Variants in RAD51B observed in about 807,000 individuals in gnomAD.
The protein encoded by RAD51B is DNA repair protein RAD51 homolog 2.
A neutral mutation model predicts 42.2 loss-of-function variants in RAD51B; 38 were observed. The observed-to-expected ratio is 0.90, with a 90% CI of 0.70 to 1.18. RAD51B has a LOEUF of 1.18. Ranked by LOEUF, RAD51B falls within the 50% of genes most tolerant of loss-of-function variation. The pLI is 0.00. For synonymous variants in RAD51B, 154 were observed against 145.2 expected, an observed-to-expected ratio of 1.06 and a Z score of -0.43; for missense variants, 373 against 400.7, an observed-to-expected ratio of 0.93 and a Z score of 0.59.
chr14:68,432,515 T>C (rs1182461260), intron 9 of RAD51B, among the ~76,000 whole-genome samples: 1 of 152,268 alleles, frequency 6.6e-6, no homozygotes, highest in East Asian at 1.9e-4. Flanking sequence ...ATGACCTTCT[T>C]TGTCTCTTTT....
intron 7 of RAD51B, among the ~76,000 whole-genome samples, chr14:68,014,639 G>T (rs2075744215): frequency 6.6e-6 from 1 of 151,508 alleles, no homozygotes; most frequent in African/African-American, 2.4e-5. Context: ...AAATTTGTAT[G>T]GTCAAAACTT....
intron 7 of RAD51B, among the ~76,000 whole-genome samples, chr14:68,036,512 G>T (rs142084383): frequency 6.6e-6 from 1 of 152,162 alleles, no homozygotes; most frequent in Admixed American, 6.5e-5. Flanking sequence ...CAGCCTCTGC[G>T]TTTAGTACAT....
chr14:68,326,471 T>G (rs1878919129), intron 8 of RAD51B, among the ~76,000 whole-genome samples: 1 of 152,220 alleles, frequency 6.6e-6, no homozygotes, highest in Non-Finnish European at 1.5e-5. Context: ...GGTGACAGGT[T>G]GTAAGGACAT....
At chr14:68,046,877 T>A (rs994690624) in intron 7 of RAD51B, among the ~76,000 whole-genome samples, 1 of 152,136 alleles carries the variant, frequency 6.6e-6, no homozygotes, top group South Asian at 2.1e-4. Flanking sequence ...TTCAGTGTAG[T>A]GTTTATAAGA....
rs1337664880 is a variant in RAD51B at position 68,562,848 on chromosome 14, C to G, written c.1037-31637C>G. 5.1e-6 allele frequency: 5 copies of G among 985,256 alleles called. No individual in the cohort carries two copies. The African/African-American group carries it at 8.7e-5, about 17-fold the overall frequency. 61.0% of individuals were successfully genotyped at this position (985,256 alleles called of 1,614,324 possible). A position where few individuals can be genotyped will look rare whatever the true frequency, so the allele number is the denominator to read the frequency against. ...CCAAGGCCAGAGAAGTGAAAATGTT[C>G]ACAGCAGCTCTGGAAGAGAGGAACT... On this transcript the variant is annotated intron_variant, in intron 10 of 10. Coordinates refer to the RAD51B transcript ENST00000487270.
chr14:68,663,642 C>T (rs574039529), intron 11 of RAD51B, among the ~76,000 whole-genome samples: 56 of 152,324 alleles, frequency 3.7e-4, no homozygotes, highest in African/African-American at 1.0e-3. Flanking sequence ...CCTGCCAGAA[C>T]GCTGACCAAT....
intron 10 of RAD51B, among the ~76,000 whole-genome samples, chr14:68,513,342 C>T (rs1181358412): frequency 6.6e-6 from 1 of 152,186 alleles, no homozygotes; most frequent in African/African-American, 2.4e-5. Flanking sequence ...CCTGGGAGCT[C>T]ACTACCTCTA....
chr14:68,025,476 CTTTTTT>C (rs765471138), intron 7 of RAD51B, among the ~76,000 whole-genome samples: 1,158 of 41,028 alleles, frequency 0.028, 14 homozygotes, highest in Middle Eastern at 0.15. Context: ...CTGGTCTAGG[CTTTTTT>C]TTTTTTTTTT....
intron 8 of RAD51B, among the ~76,000 whole-genome samples, chr14:68,393,009 T>G (rs2083803369): frequency 6.6e-6 from 1 of 152,354 alleles, no homozygotes; most frequent in South Asian, 2.1e-4. Context: ...GAGTCACTTC[T>G]CCTTCCTTTG....
intron 7 of RAD51B, among the ~76,000 whole-genome samples, chr14:68,059,066 G>C (rs527905285): frequency 6.6e-6 from 1 of 152,052 alleles, no homozygotes; most frequent in Non-Finnish European, 1.5e-5. Flanking sequence ...TTCATGGCTA[G>C]TGTCCTCTTC....
intron 10 of RAD51B, among the ~76,000 whole-genome samples, chr14:68,489,583 G>A (rs1883910578): frequency 6.6e-6 from 1 of 152,192 alleles, no homozygotes; most frequent in Non-Finnish European, 1.5e-5. Flanking sequence ...GGCTTGTTGT[G>A]CAAGTAAAAG....
intron 7 of RAD51B, among the ~76,000 whole-genome samples, chr14:68,162,906 G>A (rs146415101): frequency 1.5e-3 from 223 of 152,342 alleles, no homozygotes; most frequent in Non-Finnish European, 2.4e-3. Context: ...CTTCCTGTAA[G>A]CATGTGCTTT....
chr14:68,382,899 G>C (rs919121763), intron 8 of RAD51B, among the ~76,000 whole-genome samples: 2 of 152,118 alleles, frequency 1.3e-5, no homozygotes, highest in African/African-American at 4.8e-5. Flanking sequence ...GTATTACATG[G>C]CTTTTTTTTG....
intron 7 of RAD51B, among the ~76,000 whole-genome samples, chr14:68,210,183 C>T (rs2079677073): frequency 6.6e-6 from 1 of 152,110 alleles, no homozygotes; most frequent in African/African-American, 2.4e-5. Context: ...TGGTCTCTAA[C>T]TCCTGACCTG....
chr14:68,241,434 C>T (rs1032706898), intron 7 of RAD51B, among the ~76,000 whole-genome samples: 8 of 151,986 alleles, frequency 5.3e-5, no homozygotes, highest in African/African-American at 1.2e-4. Flanking sequence ...CCCAGCTACT[C>T]GGGAGGCTGA....
rs146397414 is a variant in RAD51B at position 68,224,937 on chromosome 14, C to A, written c.757-66947C>A. Among the ~76,000 whole-genome samples, 1,132 of 152,188 alleles carry A rather than the reference C, an allele frequency of 7.4e-3. 11 individuals are homozygous for A. The highest frequency in any genetic ancestry group is 0.026 in the African/African-American group (1,071 of 41,512). ...TGAACTCCTGATCTCGTGATCCACC[C>A]ACCTCGGCCTCCCAAAGTGCTGGGA... On this transcript the variant is annotated intron_variant, in intron 7 of 10. Transcript: ENST00000471583.
chr14:68,613,606 A>C (rs1463864167), downstream of RAD51B, among the ~76,000 whole-genome samples: 4 of 151,762 alleles, frequency 2.6e-5, no homozygotes, highest in Non-Finnish European at 5.9e-5. Context: ...GGAGCCCACC[A>C]CCACACCCGG....
intron 7 of RAD51B, among the ~76,000 whole-genome samples, chr14:67,970,017 A>C (rs1231842048): frequency 6.6e-6 from 1 of 152,178 alleles, no homozygotes; most frequent in Non-Finnish European, 1.5e-5. Context: ...TATACCACGA[A>C]CAAAAGGTTG....
chr14:67,924,969 C>T (rs896225272), intron 7 of RAD51B, among the ~76,000 whole-genome samples: 2 of 152,230 alleles, frequency 1.3e-5, no homozygotes, highest in Non-Finnish European at 2.9e-5. Flanking sequence ...CAGTGGGATA[C>T]AGGCATTGGG....
Sources: allele counts gnomAD v4.1 joint callset (sites outside exome capture counted in the v4.1 genomes callset), GRCh38; gene constraint gnomAD v4.1.1; transcripts MANE v1.5; gene names NCBI Gene and HGNC (gene_info 2026-07-23, HGNC 2026-07-21).